PAQR8: variants seen among roughly 807,000 people sequenced by gnomAD.
The protein encoded by PAQR8 is membrane progestin receptor beta.
A neutral mutation model predicts 25.2 loss-of-function variants in PAQR8; 17 were observed. The observed-to-expected ratio is 0.67, with a 90% CI of 0.46 to 1.01. The LOEUF (loss-of-function observed/expected upper bound fraction) is 1.01. Ranked by LOEUF, PAQR8 falls within the 50% of genes least tolerant of loss-of-function variation. The pLI is 0.00. For synonymous variants in PAQR8, 204 were observed against 190.6 expected (o/e 1.07, Z -0.58); for missense variants, 392 against 448.4 (o/e 0.87, Z 1.14).
At chr6:52,393,519 TAG>T (rs1763734486) in intron 1 of PAQR8, among the ~76,000 whole-genome samples, 1 of 151,798 alleles carries the variant, frequency 6.6e-6, no homozygotes, top group Admixed American at 6.6e-5. Context: ...AATTTAGAGA[TAG>T]AGTCTTGCTG....
chr6:52,405,626 GC>G lies in PAQR8; in HGVS notation c.*1351del, dbSNP rs887733527. 11 of 167,052 alleles carry G rather than the reference GC, an allele frequency of 6.6e-5. No individual in the cohort carries two copies. Among genetic ancestry groups the G allele is most frequent in the Non-Finnish European group, 7.3e-5 (5 of 68,110 alleles). 10.3% of individuals were successfully genotyped at this position (167,052 alleles called of 1,614,324 possible). On this transcript the variant is annotated 3_prime_UTR_variant, in exon 2 of 2. Coordinates refer to ENST00000442253, the MANE Select transcript of PAQR8 (RefSeq NM_133367.5). Reference sequence around the variant, plus strand: ...GCTGTGTCAAAAGAAGGGCTCAGAAGCCCTCTTTTCAGAGGCAATGATTCCT... The same window carrying G: ...GCTGTGTCAAAAGAAGGGCTCAGAAGCCTCTTTTCAGAGGCAATGATTCCT...
Position 52,403,307 on chromosome 6 carries a change from A to C in PAQR8, c.94A>C (p.Lys32Gln). Residue 32 changes from lysine (K) to glutamine (Q), a missense_variant, in exon 2 of 2, where the codon AAG (lysine) becomes CAG (glutamine). Lys to Gln is a moderately conservative substitution (Grantham distance 53). Coordinates refer to ENST00000442253, the MANE Select transcript of PAQR8 (RefSeq NM_133367.5). Reference protein sequence around the residue: ...LPKILEDGLPKMPCTVPETDV... With the variant: ...LPKILEDGLPQMPCTVPETDV... ...CAAGATCCTGGAGGATGGGCTTCCC[A>C]AGATGCCTTGCACTGTCCCAGAAAC... The C allele has an allele frequency of 1.2e-6, 2 of 1,614,062 alleles. No homozygotes were observed. Among genetic ancestry groups the C allele is most frequent in the Non-Finnish European group, 1.7e-6 (2 of 1,179,938 alleles).
At chr6:52,364,268 G>A (rs1763327105) in intron 1 of PAQR8, among the ~76,000 whole-genome samples, 1 of 152,000 alleles carries the variant, frequency 6.6e-6, no homozygotes, top group South Asian at 2.1e-4. Flanking sequence ...AATTATGCAA[G>A]TTAACAGGAT....
At position 52,404,052 on chromosome 6, in the gene PAQR8, A is replaced by G. The variant is rs145599025; in HGVS notation, c.839A>G (p.His280Arg). The change falls in exon 2 of 2, where the codon CAT becomes CGT. Residue 280 changes from histidine (H) to arginine (R), a missense_variant. Transcript: ENST00000442253. ...YFPGSCDIVG[H>R]GHQIFHAFLS... The stretch of plus-strand genomic sequence containing the variant: ...CCGGGTTCCTGTGACATCGTGGGCC[A>G]TGGGCATCAGATCTTCCATGCATTT... 1.1e-5 allele frequency: 17 copies of G among 1,614,086 alleles called. No individual in the cohort carries two copies. In the African/African-American group the frequency reaches 1.6e-4, roughly 15 times the overall value.
rs1416668452 is a variant in PAQR8 at position 52,403,869 on chromosome 6, TG to T, written c.658del (p.Ala220LeufsTer4). ...RKICQVVPAG[L>X]AFILDISPVA... ...ATCTGTCAAGTGGTGCCAGCAGGTC[TG>T]GCTTTTATCCTAGACATCAGCCCTG... On this transcript the variant is annotated frameshift_variant, in exon 2 of 2. Coordinates refer to ENST00000442253, the MANE Select transcript of PAQR8 (RefSeq NM_133367.5). LOFTEE classifies it high-confidence loss of function. 6.2e-7 allele frequency: 1 copy of T among 1,614,254 alleles called. No individual in the cohort carries two copies. The highest frequency in any genetic ancestry group is 1.1e-5 in the South Asian group (1 of 91,092).
chr6:52,385,797 A>T (rs1763626775), intron 1 of PAQR8, among the ~76,000 whole-genome samples: 1 of 152,106 alleles, frequency 6.6e-6, no homozygotes, highest in South Asian at 2.1e-4. Flanking sequence ...AAGTGGGAGG[A>T]TCACCTGAGC....
chr6:52,366,757 CT>C (rs1361626161), intron 1 of PAQR8, among the ~76,000 whole-genome samples: 6 of 148,384 alleles, frequency 4.0e-5, no homozygotes, highest in Admixed American at 6.7e-5. Context: ...AGCCATGATT[CT>C]TTTTTTTTTG....
In PAQR8 at chr6:52,403,358, C is replaced by A. The variant is rs1348503351; in HGVS notation, c.145C>A (p.Pro49Thr). ...ETDVPQLFRE[P>T]YIRTGYRPTG... is the part of the protein sequence containing the mutation. ...GGATGTGCCCCAGCTCTTCCGGGAG[C>A]CTTACATCCGCACCGGCTACCGCCC... The change falls in exon 2 of 2, where the codon CCT (proline) becomes ACT (threonine). Residue 49 changes from proline (P) to threonine (T), a missense_variant. Physicochemically the swap from Pro to Thr is conservative, Grantham distance 38 (BLOSUM62 -1). Coordinates refer to ENST00000442253, the MANE Select transcript of PAQR8 (RefSeq NM_133367.5). 4 of 1,614,272 alleles carry A rather than the reference C, an allele frequency of 2.5e-6. No individual in the cohort carries two copies. Among genetic ancestry groups the A allele is most frequent in the East Asian group, 2.2e-5 (1 of 44,884 alleles).
At chr6:52,403,099 T>G in intron 1 of PAQR8, 63 bp from the exon 2 acceptor site, 1 of 850,138 alleles carries the variant, frequency 1.2e-6, no homozygotes, top group Non-Finnish European at 1.8e-6. Context: ...CATAGTTCCT[T>G]GTCCGTCTTA....
intron 1 of PAQR8, among the ~76,000 whole-genome samples, chr6:52,399,306 T>A (rs1224907578): frequency 1.3e-5 from 2 of 152,222 alleles, no homozygotes; most frequent in East Asian, 3.8e-4. Context: ...TCTGCAGTCA[T>A]GGTCTTCTGC....
At position 52,404,738 on chromosome 6, in the gene PAQR8, T is replaced by A. The variant is rs1274597225; in HGVS notation, c.*460T>A. ...AATTGACCCAAGGACCGAATTTCAT[T>A]TGGATTTCAAATTGTCCAGAGTGGA... is the stretch of plus-strand genomic sequence containing the variant. On this transcript the variant is annotated 3_prime_UTR_variant, in exon 2 of 2. Coordinates refer to ENST00000442253, the MANE Select transcript of PAQR8 (RefSeq NM_133367.5). The A allele has an allele frequency of 1.2e-5, 2 of 173,730 alleles. No individual in the cohort carries two copies. The highest frequency in any genetic ancestry group is 1.2e-4 in the Admixed American group (2 of 17,012). 10.8% of individuals were successfully genotyped at this position (173,730 alleles called of 1,614,324 possible).
At chr6:52,365,637 AAT>A (rs753364333) in intron 1 of PAQR8, among the ~76,000 whole-genome samples, 3 of 152,210 alleles carry the variant, frequency 2.0e-5, no homozygotes, top group Non-Finnish European at 2.9e-5. Flanking sequence ...TTTCCCAGGT[AAT>A]GATATTCCCT....
At chr6:52,385,297 C>T (rs569630512) in intron 1 of PAQR8, among the ~76,000 whole-genome samples, 2 of 152,284 alleles carry the variant, frequency 1.3e-5, no homozygotes, top group Admixed American at 6.5e-5. Context: ...TCTCTTCCAT[C>T]GTCTTCTGCC....
At chr6:52,373,341 G>T (rs1291581416) in intron 1 of PAQR8, among the ~76,000 whole-genome samples, 2 of 152,220 alleles carry the variant, frequency 1.3e-5, no homozygotes, top group Non-Finnish European at 2.9e-5. Context: ...ACAATGAAAA[G>T]GACTTAATAG....
intron 1 of PAQR8, among the ~76,000 whole-genome samples, chr6:52,364,844 T>C (rs9395786): frequency 0.87 from 131,823 of 152,214 alleles, 57,201 homozygotes; most frequent in Middle Eastern, 0.89. Context: ...GGTCCCTGAA[T>C]AACACCGGGG....
chr6:52,404,036 T>G lies in PAQR8; in HGVS notation c.823T>G (p.Cys275Gly), dbSNP rs1763877419. ...PVPEKYFPGS[C>G]DIVGHGHQIF... The stretch of plus-strand genomic sequence containing the variant: ...GCCTGAGAAGTACTTCCCGGGTTCC[T>G]GTGACATCGTGGGCCATGGGCATCA... Residue 275 changes from cysteine to glycine, a missense_variant, in exon 2 of 2, where the codon TGT becomes GGT. Physicochemically the swap from Cys to Gly is radical, Grantham distance 159 (BLOSUM62 -3). Transcript: ENST00000442253. The G allele has an allele frequency of 1.9e-6, 3 of 1,614,220 alleles. No individual in the cohort carries two copies. The highest frequency in any genetic ancestry group is 1.1e-5 in the South Asian group (1 of 91,090).
intron 1 of PAQR8, among the ~76,000 whole-genome samples, chr6:52,387,192 G>T (rs1272158206): frequency 6.6e-6 from 1 of 152,196 alleles, no homozygotes; most frequent in Admixed American, 6.5e-5. Flanking sequence ...GCCCTGATGG[G>T]ATGTCTTGGG....
At chr6:52,381,452 A>G (rs1390157498) in intron 1 of PAQR8, among the ~76,000 whole-genome samples, 2 of 152,246 alleles carry the variant, frequency 1.3e-5, no homozygotes, top group African/African-American at 4.8e-5. Flanking sequence ...TACAAAAAGT[A>G]TAAAAATTAG....
At chr6:52,403,100 G>C (rs2113952949) in intron 1 of PAQR8, 62 bp from the exon 2 acceptor site, 2 of 856,454 alleles carry the variant, frequency 2.3e-6, no homozygotes, top group Admixed American at 5.7e-5. Context: ...ATAGTTCCTT[G>C]TCCGTCTTAG....
Sources: gnomAD v4.1 joint callset for allele counts (sites outside exome capture counted in the v4.1 genomes callset) on GRCh38, gnomAD v4.1.1 for gene constraint, MANE v1.5 for transcripts, NCBI Gene and HGNC (gene_info 2026-07-23, HGNC 2026-07-21) for gene names.